The following MOCS1 variants were observed in gnomAD, a reference collection of about 807,000 sequenced individuals.
MOCS1 encodes molybdenum cofactor synthesis 1, also known as molybdenum cofactor biosynthesis protein 1.
Under a neutral mutation model 57.6 loss-of-function variants are expected in MOCS1, and 39 were observed. The observed-to-expected ratio is 0.68, with a 90% confidence interval of 0.52 to 0.88. MOCS1 has a LOEUF of 0.88. MOCS1 is among the 40% of genes least tolerant of loss of function. The probability of loss-of-function intolerance (pLI) is 0.00; values close to 1 mark genes in which losing one functional copy is unlikely to be tolerated. For synonymous variants in MOCS1, 334 were observed against 335.7 expected (o/e 1.00, Z 0.05); for missense variants, 795 against 831.1 (o/e 0.96, Z 0.53).
In MOCS1 at chr6:39,904,352, C is replaced by T. The variant is rs987544424; in HGVS notation, c.*2005G>A. On this transcript the variant is annotated 3_prime_UTR_variant, in exon 11 of 11. Coordinates refer to ENST00000340692, the MANE Select transcript of MOCS1 (RefSeq NM_001358530.2). ...ACTGTAGCCAGATCTCCAACAGTGC[C>T]TTGGACCATGGACTCATACTCAACT... The T allele has an allele frequency of 1.5e-5, 7 of 456,602 alleles. No individual in the cohort carries two copies. Among genetic ancestry groups the T allele is most frequent in the Non-Finnish European group, 3.1e-5 (7 of 226,988 alleles). 28.3% of individuals were successfully genotyped at this position (456,602 alleles called of 1,614,324 possible).
Position 39,934,329 on chromosome 6 carries a change from G to C in MOCS1, c.89C>G (p.Pro30Arg). The C allele has an allele frequency of 6.4e-7, 1 of 1,551,258 alleles. No homozygotes were observed. The highest frequency in any genetic ancestry group is 8.7e-7 in the Non-Finnish European group (1 of 1,152,862). Residue 30 changes from proline to arginine, a missense_variant, in exon 1 of 11, where the codon CCC becomes CGC. Physicochemically the swap from Pro to Arg is moderately radical, Grantham distance 103. This residue lies in a region of MOCS1 where 416 missense variants were observed against 392.4 expected (regional missense o/e 1.06). Coordinates refer to ENST00000340692, the MANE Select transcript of MOCS1 (RefSeq NM_001358530.2). ...SCSSGAPVTQPCPGESARAAS... is the reference protein window; with the variant it reads ...SCSSGAPVTQRCPGESARAAS... ...AGCTCGCGCGGACTCCCCGGGGCAG[G>C]GCTGGGTCACCGGAGCCCCTGAGCT...
At chr6:39,932,662 A>T (rs1768701465) in intron 1 of MOCS1, among the ~76,000 whole-genome samples, 1 of 152,242 alleles carries the variant, frequency 6.6e-6, no homozygotes, top group Admixed American at 6.5e-5. Context: ...ATTCAATGTG[A>T]GTTGACAGAA....
chr6:39,908,720 G>T (rs1408197813), intron 10 of MOCS1, among the ~76,000 whole-genome samples: 1 of 152,154 alleles, frequency 6.6e-6, no homozygotes, highest in Non-Finnish European at 1.5e-5. Flanking sequence ...AGATTTTAGA[G>T]CCGAGGAAAA....
Position 39,916,209 on chromosome 6 carries a change from G to A in MOCS1, c.442C>T (p.Leu148=). The A allele has an allele frequency of 6.2e-7, 1 of 1,613,824 alleles. No homozygotes were observed. Among genetic ancestry groups the A allele is most frequent in the South Asian group, 1.1e-5 (1 of 91,056 alleles). The change falls in exon 4 of 11, where the codon CTG becomes TTG. Residue 148 remains leucine (L), a synonymous_variant. Coordinates refer to ENST00000340692, the MANE Select transcript of MOCS1 (RefSeq NM_001358530.2). The part of the protein sequence containing the change: ...IVAQLQRLEG[L]RTIGVTTNGI... The stretch of plus-strand genomic sequence containing the variant: ...TTGGTGGTAACACCTATGGTTCTCA[G>A]CCCTTCCAGCCGCTGGAGCTGGGCT...
chr6:39,929,269 C>T (rs563940946), intron 1 of MOCS1, among the ~76,000 whole-genome samples: 5 of 152,122 alleles, frequency 3.3e-5, no homozygotes, highest in African/African-American at 7.2e-5. Flanking sequence ...TCCCTCCCTG[C>T]GGTATGATGG....
In MOCS1 at chr6:39,912,934, T is replaced by C; in HGVS notation, c.828A>G (p.Pro276=). 6.2e-7 allele frequency: 1 copy of C among 1,614,180 alleles called. No homozygotes were observed. Among genetic ancestry groups the C allele is most frequent in the Non-Finnish European group, 8.5e-7 (1 of 1,180,022 alleles). Residue 276 remains proline (P), a synonymous_variant, in exon 7 of 11, where the codon CCA becomes CCG. Coordinates refer to ENST00000340692, the MANE Select transcript of MOCS1 (RefSeq NM_001358530.2). ...CCTCCTCTGGCACCTTCTCCAGCTC[T>C]GGCCACTGCTGCCGGACAGTGTCTA... ...EMLDTVRQQW[P]ELEKVPEEES... is the part of the protein sequence containing the mutation.
chr6:39,927,646 G>A (rs1768410891), intron 1 of MOCS1, 191 bp from the exon 2 acceptor site: 5 of 1,586,266 alleles, frequency 3.2e-6, no homozygotes, highest in Non-Finnish European at 4.3e-6. Flanking sequence ...TTGATGGGAA[G>A]GACCCACCCC....
chr6:39,929,743 C>T (rs765322311), intron 1 of MOCS1, among the ~76,000 whole-genome samples: 1 of 151,882 alleles, frequency 6.6e-6, no homozygotes, highest in Non-Finnish European at 1.5e-5. Flanking sequence ...GAGTGTGAGA[C>T]TAGCCTGGGC....
At chr6:39,927,678 C>G in intron 1 of MOCS1, 1 of 1,550,162 alleles carries the variant, frequency 6.5e-7, no homozygotes. Flanking sequence ...GCTTGGGGGT[C>G]GGGGGCGGAT....
At chr6:39,908,114 T>G (rs960014051) in intron 10 of MOCS1, among the ~76,000 whole-genome samples, 1 of 151,780 alleles carries the variant, frequency 6.6e-6, no homozygotes, top group Non-Finnish European at 1.5e-5. Flanking sequence ...GAGATGAGAG[T>G]CTTCTTCCCA....
Position 39,904,428 on chromosome 6 carries a change from AGGTT to A in MOCS1, c.*1925_*1928del. On this transcript the variant is annotated 3_prime_UTR_variant, in exon 11 of 11. Transcript: ENST00000340692. The stretch of plus-strand genomic sequence containing the variant: ...CGGGGTGGCTGAGCTGGTCCTTAAT[AGGTT>A]GTTTCTTGGTCTTGCTTTCTTCATG... 2.2e-6 allele frequency: 1 copy of A among 455,012 alleles called. No homozygotes were observed. Among genetic ancestry groups the A allele is most frequent in the Non-Finnish European group, 4.4e-6 (1 of 226,968 alleles). 28.2% of individuals were successfully genotyped at this position (455,012 alleles called of 1,614,324 possible). A position where few individuals can be genotyped will look rare whatever the true frequency, so the allele number is the denominator to read the frequency against.
Position 39,905,152 on chromosome 6 carries a change from C to CAAG in MOCS1, c.*1202_*1204dup, listed in dbSNP as rs771449429. The CAAG allele has an allele frequency of 1.8e-5, 8 of 454,168 alleles. No homozygotes were observed. Among genetic ancestry groups the CAAG allele is most frequent in the South Asian group, 1.2e-4 (8 of 64,464 alleles). The allele number at this position is 454,168 out of a possible 1,614,324, so 28.1% of individuals were successfully genotyped here. The stretch of plus-strand genomic sequence containing the variant: ...GCACCACTGAGGACTCAAAGACATC[C>CAAG]AAGTTAGAGAGCCCAGCAGGCCAGA... On this transcript the variant is annotated 3_prime_UTR_variant, in exon 11 of 11. Coordinates refer to ENST00000340692, the MANE Select transcript of MOCS1 (RefSeq NM_001358530.2).
At chr6:39,927,942 T>A (rs1387977627) in intron 1 of MOCS1, among the ~76,000 whole-genome samples, 2 of 152,116 alleles carry the variant, frequency 1.3e-5, no homozygotes. Flanking sequence ...CGTCTCCCCC[T>A]GACCTATCGG....
chr6:39,917,383 C>T (rs1461823592), intron 3 of MOCS1, among the ~76,000 whole-genome samples: 1 of 152,052 alleles, frequency 6.6e-6, no homozygotes, highest in African/African-American at 2.4e-5. Context: ...AAATTACCTC[C>T]TACTGGGTCC....
Position 39,925,667 on chromosome 6 carries a change from G to C in MOCS1, c.418+11C>G, listed in dbSNP as rs367871851. 1 of 1,612,762 alleles carries C rather than the reference G, an allele frequency of 6.2e-7. No individual in the cohort carries two copies. The highest frequency in any genetic ancestry group is 1.7e-5 in the Admixed American group (1 of 60,010). The stretch of plus-strand genomic sequence containing the variant: ...GCTGGGAGAAGTGGCGATGACTTTC[G>C]TCCAACTCACCCACAATGTCCACCA... On this transcript the variant is annotated intron_variant, in intron 3 of 10. Coordinates refer to ENST00000340692, the MANE Select transcript of MOCS1 (RefSeq NM_001358530.2).
At position 39,906,374 on chromosome 6, in the gene MOCS1, C is replaced by T. The variant is rs1332360995; in HGVS notation, c.1894G>A (p.Asp632Asn). The change falls in exon 11 of 11, where the codon GAC becomes AAC. Residue 632 changes from aspartate (D) to asparagine (N), a missense_variant. By Grantham distance (23) the Asp-to-Asn change is conservative. This residue lies in a region of MOCS1 where 374 missense variants were observed against 422.6 expected (regional missense o/e 0.89). Transcript: ENST00000340692. The part of the protein sequence containing the change: ...LISKTGGQRG[D>N]FHRA The stretch of plus-strand genomic sequence containing the variant: ...GGCAGGTGCTAAGCCCGATGGAAGT[C>T]CCCCCGCTGACCACCAGTCTTGCTA... 4.8e-5 allele frequency: 77 copies of T among 1,595,160 alleles called. No homozygotes were observed. The highest frequency in any genetic ancestry group is 6.1e-5 in the Non-Finnish European group (71 of 1,167,538).
rs554966438 is a variant in MOCS1 at position 39,917,844 on chromosome 6, A to T, written c.419-1612T>A. ...CAATATATAGTTACAAGAAGAAAAA[A>T]CTTGAGAAGCAGAATGAACACAGGA... On this transcript the variant is annotated intron_variant, in intron 3 of 10. Transcript: ENST00000340692. Among the ~76,000 whole-genome samples the T allele has an allele frequency of 5.9e-5, 9 of 152,312 alleles. No homozygotes were observed. In the South Asian group the frequency reaches 1.7e-3, roughly 28 times the overall value.
chr6:39,930,852 C>T (rs1049581620), intron 1 of MOCS1, among the ~76,000 whole-genome samples: 1 of 152,158 alleles, frequency 6.6e-6, no homozygotes, highest in Admixed American at 6.5e-5. Context: ...GAGCAAGTCA[C>T]CTAAATTCTC....
rs180953829 is a variant in MOCS1, at chr6:39,906,364, C to T, written c.1904G>A (p.Arg635Gln). The T allele has an allele frequency of 8.8e-6, 14 of 1,595,660 alleles. No individual in the cohort carries two copies. Among genetic ancestry groups the T allele is most frequent in the East Asian group, 2.2e-5 (1 of 44,486 alleles). Residue 635 changes from arginine to glutamine, a missense_variant, in exon 11 of 11, where the codon CGG becomes CAG. Arg to Gln is a conservative substitution (Grantham distance 43, BLOSUM62 1). Transcript: ENST00000340692. ...KTGGQRGDFH[R>Q]A ...GGGTGAGAAGGGCAGGTGCTAAGCC[C>T]GATGGAAGTCCCCCCGCTGACCACC...
Sources: gnomAD v4.1 joint callset for allele counts (sites outside exome capture counted in the v4.1 genomes callset) on GRCh38, gnomAD v4.1.1 for gene constraint, gnomAD v4.1.1 regional missense constraint, MANE v1.5 for transcripts, NCBI Gene and HGNC (gene_info 2026-07-23, HGNC 2026-07-21) for gene names.